LRP1B: variants seen among roughly 807,000 people sequenced by gnomAD.
LRP1B encodes LDL receptor related protein 1B.
A neutral mutation model predicts 556.6 loss-of-function variants in LRP1B; 217 were observed. The ratio of observed to expected loss-of-function variants is 0.39; its 90% CI spans 0.35 to 0.44. The LOEUF (loss-of-function observed/expected upper bound fraction) is 0.44, where lower values mean the gene tolerates loss of function less well. Among genes scored for constraint, LRP1B ranks in the 20% least tolerant of loss-of-function variants. The pLI is 1.00. For missense variants in LRP1B, 5,053 were observed against 5,620.8 expected (o/e 0.90, Z 3.23); for synonymous variants, 2,047 against 1,865.8 (o/e 1.10, Z -2.50).
intron 42 of LRP1B, among the ~76,000 whole-genome samples, chr2:140,600,767 G>GTGTTTTTTTTTTTT (rs1682625536): frequency 1.8e-5 from 1 of 56,910 alleles, no homozygotes; most frequent in Non-Finnish European, 3.4e-5. Context: ...GTTCTTCGGG[G>GTGTTTTTTTTTTTT]TTTTTTTTTT....
intron 7 of LRP1B, among the ~76,000 whole-genome samples, chr2:141,161,875 G>T (rs1347114159): frequency 6.6e-6 from 1 of 152,082 alleles, no homozygotes; most frequent in Non-Finnish European, 1.5e-5. Flanking sequence ...GCAGGGGGAA[G>T]TGATTTGCAT....
At chr2:141,122,993 G>C (rs564046992) in intron 7 of LRP1B, among the ~76,000 whole-genome samples, 1 of 152,004 alleles carries the variant, frequency 6.6e-6, no homozygotes, top group Non-Finnish European at 1.5e-5. Flanking sequence ...GTAAACTATT[G>C]CAAGGACAGA....
chr2:142,019,127 AATTGGAATAAAAGATTTTAGT>A (rs1325748688), intron 1 of LRP1B, among the ~76,000 whole-genome samples: 2 of 152,182 alleles, frequency 1.3e-5, no homozygotes, highest in African/African-American at 4.8e-5. Flanking sequence ...TCTAATTCAG[AATTGGAATAAAAGATTTTAGT>A]CCTTTCAAAT....
intron 2 of LRP1B, among the ~76,000 whole-genome samples, chr2:141,726,378 C>T (rs2105509138): frequency 6.6e-6 from 1 of 151,698 alleles, no homozygotes; most frequent in East Asian, 1.9e-4. Context: ...TTTTTTCTAA[C>T]AAGAAAACAT....
At chr2:141,503,070 T>G (rs940650679) in intron 2 of LRP1B, among the ~76,000 whole-genome samples, 1 of 149,638 alleles carries the variant, frequency 6.7e-6, no homozygotes, top group East Asian at 2.0e-4. Context: ...TACATATAAA[T>G]AGAAGAATTT....
intron 27 of LRP1B, among the ~76,000 whole-genome samples, chr2:140,852,654 T>C (rs1279565636): frequency 6.6e-6 from 1 of 152,226 alleles, no homozygotes; most frequent in African/African-American, 2.4e-5. Flanking sequence ...TTACTTTTTC[T>C]GTATTAACTA....
chr2:140,430,746 C>T (rs938280609), intron 66 of LRP1B, among the ~76,000 whole-genome samples: 1 of 152,214 alleles, frequency 6.6e-6, no homozygotes, highest in African/African-American at 2.4e-5. Context: ...TTACAAGCCG[C>T]TAGCCCGTCT....
At position 140,324,025 on chromosome 2, in the gene LRP1B, T is replaced by A; in HGVS notation, c.12382A>T (p.Ile4128Leu). The change falls in exon 81 of 91, where the codon ATA becomes TTA. Residue 4128 changes from isoleucine to leucine, a missense_variant. Physicochemically the swap from Ile to Leu is conservative, Grantham distance 5. Transcript: ENST00000389484. ...PHRIDIFEDYIYGAGPKNGVF... is the reference protein window; with the variant it reads ...PHRIDIFEDYLYGAGPKNGVF... The stretch of plus-strand genomic sequence containing the variant: ...CCATTTTTAGGTCCTGCTCCATATA[T>A]ATAATCTTCAAAGATATCGATCCTA... The A allele has an allele frequency of 6.2e-7, 1 of 1,610,520 alleles. No individual in the cohort carries two copies. Among genetic ancestry groups the A allele is most frequent in the Non-Finnish European group, 8.5e-7 (1 of 1,177,392 alleles).
chr2:141,432,314 T>C (rs1169436114), intron 3 of LRP1B, among the ~76,000 whole-genome samples: 1 of 152,112 alleles, frequency 6.6e-6, no homozygotes. Flanking sequence ...ATATAATCTA[T>C]GTTATATGTC....
intron 1 of LRP1B, among the ~76,000 whole-genome samples, chr2:141,829,630 A>G (rs969916953): frequency 1.3e-5 from 2 of 152,040 alleles, no homozygotes; most frequent in Admixed American, 6.6e-5. Flanking sequence ...CTGGACTCTA[A>G]AACAAGAAGG....
chr2:140,353,159 T>C, intron 75 of LRP1B, 87 bp from the exon 76 acceptor site: 1 of 1,366,546 alleles, frequency 7.3e-7, no homozygotes, highest in Non-Finnish European at 1.0e-6. Context: ...CAAAATTATT[T>C]TTAACTTATT....
intron 60 of LRP1B, among the ~76,000 whole-genome samples, chr2:140,465,639 T>A (rs901588419): frequency 2.0e-5 from 3 of 151,852 alleles, no homozygotes; most frequent in Non-Finnish European, 2.9e-5. Flanking sequence ...GATGAGGCTG[T>A]TGAAAATGAC....
At chr2:140,252,305 C>T (rs1488179765) in intron 86 of LRP1B, among the ~76,000 whole-genome samples, 1 of 151,652 alleles carries the variant, frequency 6.6e-6, no homozygotes, top group Non-Finnish European at 1.5e-5. Flanking sequence ...AATTTTCTAT[C>T]TCAACTTTTA....
chr2:140,648,416 ACC>A (rs1684560619), intron 41 of LRP1B, among the ~76,000 whole-genome samples: 1 of 152,058 alleles, frequency 6.6e-6, no homozygotes, highest in African/African-American at 2.4e-5. Context: ...GTGCACATGT[ACC>A]CTAGAACTTA....
intron 79 of LRP1B, among the ~76,000 whole-genome samples, chr2:140,326,455 G>A (rs1004978485): frequency 1.4e-4 from 21 of 148,816 alleles, no homozygotes; most frequent in Non-Finnish European, 4.4e-5. Flanking sequence ...GCTGGGTGTG[G>A]TGGCTCACGC....
chr2:140,484,826 A>G (rs1031475778), intron 59 of LRP1B, among the ~76,000 whole-genome samples: 1 of 152,186 alleles, frequency 6.6e-6, no homozygotes, highest in Non-Finnish European at 1.5e-5. Flanking sequence ...AATGCAAATG[A>G]AACGGATCCA....
intron 7 of LRP1B, among the ~76,000 whole-genome samples, chr2:141,084,496 T>G (rs1699999402): frequency 6.6e-6 from 1 of 152,248 alleles, no homozygotes; most frequent in Non-Finnish European, 1.5e-5. Context: ...AATTATATTT[T>G]GTTGTTGCAT....
rs768550957 is a variant in LRP1B at position 140,274,411 on chromosome 2, G to T, written c.13142+13C>A. On this transcript the variant is annotated intron_variant, in intron 85 of 90. Coordinates refer to ENST00000389484, the MANE Select transcript of LRP1B (RefSeq NM_018557.3). The stretch of plus-strand genomic sequence containing the variant: ...CCAAATGCTTTTATAAATTAAGCTG[G>T]GTGTCCACTTACTTGCAAAATATAT... The T allele has an allele frequency of 6.2e-7, 1 of 1,609,758 alleles. No individual in the cohort carries two copies. The highest frequency in any genetic ancestry group is 1.3e-5 in the African/African-American group (1 of 74,670).
At chr2:141,750,091 G>A (rs942599373) in intron 2 of LRP1B, among the ~76,000 whole-genome samples, 1 of 152,112 alleles carries the variant, frequency 6.6e-6, no homozygotes, top group African/African-American at 2.4e-5. Flanking sequence ...TACTGATTCT[G>A]AGGAGCAGCT....
Sources: gnomAD v4.1 joint callset for allele counts (sites outside exome capture counted in the v4.1 genomes callset) on GRCh38, gnomAD v4.1.1 for gene constraint, MANE v1.5 for transcripts, NCBI Gene and HGNC (gene_info 2026-07-23, HGNC 2026-07-21) for gene names.